Variants in CHL1 observed in about 807,000 individuals in gnomAD.
The protein encoded by CHL1 is cell adhesion molecule L1 like.
Under a neutral mutation model 141.9 loss-of-function variants are expected in CHL1, and 96 were observed. That is an observed-to-expected ratio of 0.68 (90% confidence interval 0.57 to 0.80). The LOEUF is 0.80. CHL1 is among the 30% of genes least tolerant of loss of function. The pLI, the probability that CHL1 is intolerant of heterozygous loss-of-function variation, is 0.00. For missense variants in CHL1, 1,820 were observed against 1,457.2 expected, an observed-to-expected ratio of 1.25 and a Z score of -4.05; for synonymous variants, 613 against 502.2, an observed-to-expected ratio of 1.22 and a Z score of -2.95.
At position 358,208 on chromosome 3, in the gene CHL1, C is replaced by T. The variant is rs570654414; in HGVS notation, c.1166-2076C>T. On this transcript the variant is annotated intron_variant, in intron 11 of 27. Coordinates refer to ENST00000256509, the MANE Select transcript of CHL1 (RefSeq NM_006614.4). ...CCATGTCCTGGAAGTGCTTGGAGAG[C>T]ATTCCTTCGTTTGCCTTTTCCAGCT... 2.6e-5 allele frequency among the ~76,000 whole-genome samples: 4 copies of T among 152,238 alleles called. No individual in the cohort carries two copies. In the South Asian group the frequency reaches 8.3e-4, roughly 32 times the overall value.
chr3:389,376 CT>C lies in CHL1; in HGVS notation c.2373del (p.Ala792LeufsTer16). The C allele has an allele frequency of 6.2e-7, 1 of 1,614,186 alleles. No homozygotes were observed. Among genetic ancestry groups the C allele is most frequent in the Non-Finnish European group, 8.5e-7 (1 of 1,180,036 alleles). On this transcript the variant is annotated frameshift_variant, in exon 20 of 28. Coordinates refer to ENST00000256509, the MANE Select transcript of CHL1 (RefSeq NM_006614.4). LOFTEE classifies it high-confidence loss of function. ...VTNHTLRVMTPAVYAPYDVKV... is the reference protein window; with the variant it reads ...VTNHTLRVMTXAVYAPYDVKV... ...AACCACACATTGCGGGTGATGACGC[CT>C]GCTGTCTATGCCCCTTATGATGTCA...
rs906480652 is a variant in CHL1 at position 342,079 on chromosome 3, A to T, written c.676A>T (p.Ser226Cys). 1 of 1,607,926 alleles carries T rather than the reference A, an allele frequency of 6.2e-7. No individual in the cohort carries two copies. Among genetic ancestry groups the T allele is most frequent in the Non-Finnish European group, 8.5e-7 (1 of 1,175,124 alleles). The change falls in exon 7 of 28, where the codon AGT (serine) becomes TGT (cysteine). Residue 226 changes from serine (S) to cysteine (C), a missense_variant. Transcript: ENST00000256509. ...AATGCCAATGAAACTAACAGTTAAC[A>T]GTTGTAAGTCCACATAATTTATCGT... ...QKMPMKLTVN[S>C]LKHANDSSSS...
intron 11 of CHL1, among the ~76,000 whole-genome samples, chr3:357,989 G>A (rs910140203): frequency 2.6e-5 from 4 of 152,144 alleles, no homozygotes; most frequent in Non-Finnish European, 4.4e-5. Flanking sequence ...TAAAAACTTG[G>A]AAGAGCTACT....
intron 22 of CHL1, 82 bp from the exon 23 acceptor site, chr3:391,593 T>C: frequency 6.6e-6 from 6 of 915,686 alleles, no homozygotes; most frequent in Non-Finnish European, 1.0e-5. Context: ...GCTTGTCAAT[T>C]TCTATAAAAT....
chr3:197,643 G>A (rs1575582407), intron 1 of CHL1: 1 of 358,606 alleles, frequency 2.8e-6, no homozygotes. Flanking sequence ...GGGGGGTTCC[G>A]AAAATGCCGC....
Position 319,752 on chromosome 3 carries a change from C to A in CHL1, c.-25C>A. 1.4e-6 allele frequency: 2 copies of A among 1,476,986 alleles called. No individual in the cohort carries two copies. Among genetic ancestry groups the A allele is most frequent in the Non-Finnish European group, 9.4e-7 (1 of 1,060,336 alleles). 91.5% of individuals were successfully genotyped at this position (1,476,986 alleles called of 1,614,324 possible). A position where few individuals can be genotyped will look rare whatever the true frequency, so the allele number is the denominator to read the frequency against. ...GAGACATTAAGATTTTCATTCTTAC[C>A]GGGTTGTCTTCTTCCTGAAGAGCAA... On this transcript the variant is annotated 5_prime_UTR_variant, in exon 3 of 28. Transcript: ENST00000256509.
intron 2 of CHL1, among the ~76,000 whole-genome samples, chr3:252,396 ATATATT>A (rs1693788136): frequency 1.4e-5 from 2 of 139,802 alleles, no homozygotes; most frequent in Admixed American, 1.4e-4. Context: ...ATATATATAT[ATATATT>A]TCTATTTTGG....
In CHL1 at chr3:408,670, C is replaced by T; in HGVS notation, c.*2959C>T. 1 of 152,152 alleles carries T rather than the reference C, an allele frequency of 6.6e-6. No homozygotes were observed. Among genetic ancestry groups the T allele is most frequent in the Non-Finnish European group, 1.5e-5 (1 of 67,990 alleles). The allele number at this position is 152,152 out of a possible 1,614,324, so 9.4% of individuals were successfully genotyped here. A position where few individuals can be genotyped will look rare whatever the true frequency, so the allele number is the denominator to read the frequency against. ...AATATATTTTTATAGAAAAACAAAT[C>T]TACATAAAATAAATCTACTGTTTAG... is the stretch of plus-strand genomic sequence containing the variant. On this transcript the variant is annotated 3_prime_UTR_variant, in exon 28 of 28. Transcript: ENST00000256509.
chr3:340,979 A>G, intron 6 of CHL1, 63 bp downstream of exon 6: 1 of 1,486,516 alleles, frequency 6.7e-7, no homozygotes, highest in Non-Finnish European at 9.2e-7. Flanking sequence ...CATATCAATA[A>G]CATAATGAAT....
intron 11 of CHL1, among the ~76,000 whole-genome samples, chr3:356,097 T>G (rs1703693516): frequency 6.6e-6 from 1 of 152,174 alleles, no homozygotes; most frequent in African/African-American, 2.4e-5. Flanking sequence ...CAGGAAACCT[T>G]AGTCCTCATT....
intron 2 of CHL1, among the ~76,000 whole-genome samples, chr3:278,311 C>T (rs1343900879): frequency 6.6e-6 from 1 of 152,220 alleles, no homozygotes; most frequent in East Asian, 1.9e-4. Flanking sequence ...GGAGATCCCA[C>T]TGAAATCATT....
chr3:394,725 G>A lies in CHL1; in HGVS notation c.2947G>A (p.Asp983Asn). Residue 983 changes from aspartate to asparagine, a missense_variant, in exon 24 of 28, where the codon GAT becomes AAT. Asp to Asn is a conservative substitution (Grantham distance 23). Coordinates refer to ENST00000256509, the MANE Select transcript of CHL1 (RefSeq NM_006614.4). ...CACCTACGAGATTGGAGAATTAAAT[G>A]ATATTAACATTACAACTCCATCAAA... Reference protein sequence around the residue: ...NDTYEIGELNDINITTPSKPS... With the variant: ...NDTYEIGELNNINITTPSKPS... 6.2e-7 allele frequency: 1 copy of A among 1,612,868 alleles called. No individual in the cohort carries two copies. Among genetic ancestry groups the A allele is most frequent in the South Asian group, 1.1e-5 (1 of 90,936 alleles).
chr3:394,145 A>C (rs755064586), intron 23 of CHL1, among the ~76,000 whole-genome samples: 5 of 152,204 alleles, frequency 3.3e-5, no homozygotes, highest in Non-Finnish European at 7.3e-5. Flanking sequence ...CATAGTACTT[A>C]GTACACAGTA....
At chr3:325,874 A>G (rs1700967387) in intron 3 of CHL1, 85 bp from the exon 4 acceptor site, 2 of 803,340 alleles carry the variant, frequency 2.5e-6, no homozygotes, top group East Asian at 5.3e-5. Flanking sequence ...TCAGTATACA[A>G]AAGAGGTTTA....
chr3:302,459 C>G (rs1025109755), intron 2 of CHL1, among the ~76,000 whole-genome samples: 1 of 152,218 alleles, frequency 6.6e-6, no homozygotes, highest in African/African-American at 2.4e-5. Context: ...GAGATGGCAT[C>G]TCATTGTGGT....
At chr3:301,092 A>T (rs1698686281) in intron 2 of CHL1, among the ~76,000 whole-genome samples, 1 of 152,142 alleles carries the variant, frequency 6.6e-6, no homozygotes, top group Non-Finnish European at 1.5e-5. Flanking sequence ...TCCATTTTTT[A>T]AAAATATTAA....
chr3:394,906 C>T lies in CHL1; in HGVS notation c.3094+34C>T, dbSNP rs534336365. ...ATGAGGCTTCTCTTTTTAATAGAGG[C>T]TTTAAAAAGAGACTGCATCTTTTTA... is the stretch of plus-strand genomic sequence containing the variant. On this transcript the variant is annotated intron_variant, in intron 24 of 27. Coordinates refer to ENST00000256509, the MANE Select transcript of CHL1 (RefSeq NM_006614.4). The T allele has an allele frequency of 7.6e-5, 114 of 1,509,016 alleles. No homozygotes were observed. In the Middle Eastern group the frequency reaches 1.4e-3, roughly 19 times the overall value. 93.5% of individuals were successfully genotyped at this position (1,509,016 alleles called of 1,614,324 possible). A position where few individuals can be genotyped will look rare whatever the true frequency, so the allele number is the denominator to read the frequency against.
At chr3:290,001 A>G (rs1014548508) in intron 2 of CHL1, among the ~76,000 whole-genome samples, 4 of 143,112 alleles carry the variant, frequency 2.8e-5, no homozygotes, top group Admixed American at 2.2e-4. Context: ...GTATACTCAC[A>G]GTATACTCAT....
At chr3:355,937 G>C (rs549698233) in intron 11 of CHL1, among the ~76,000 whole-genome samples, 6 of 152,142 alleles carry the variant, frequency 3.9e-5, no homozygotes, top group Non-Finnish European at 8.8e-5. Flanking sequence ...TTCTTCATCA[G>C]TAAATTGGGA....
Sources: gnomAD v4.1 joint callset for allele counts (sites outside exome capture counted in the v4.1 genomes callset) on GRCh38, gnomAD v4.1.1 for gene constraint, MANE v1.5 for transcripts, NCBI Gene and HGNC (gene_info 2026-07-23, HGNC 2026-07-21) for gene names.